Variants in ADAMTS6 observed in about 807,000 individuals in gnomAD.
The protein encoded by ADAMTS6 is A disintegrin and metalloproteinase with thrombospondin motifs 6.
Under a neutral mutation model 144.3 loss-of-function variants are expected in ADAMTS6, and 23 were observed. The observed-to-expected ratio is 0.16, with a 90% confidence interval of 0.11 to 0.23. The LOEUF is 0.23. Ranked by LOEUF, ADAMTS6 falls within the 10% of genes least tolerant of loss-of-function variation. The probability of loss-of-function intolerance (pLI) is 1.00; values close to 1 mark genes in which losing one functional copy is unlikely to be tolerated. For synonymous variants in ADAMTS6, 444 were observed against 457.5 expected (o/e 0.97, Z 0.38); for missense variants, 999 against 1,379.6 (o/e 0.72, Z 4.37).
chr5:65,427,084 G>C (rs955776766), intron 7 of ADAMTS6, among the ~76,000 whole-genome samples: 3 of 151,984 alleles, frequency 2.0e-5, no homozygotes, highest in Non-Finnish European at 2.9e-5. Flanking sequence ...TAATAGAAAA[G>C]GGTTAGAAGT....
intron 22 of ADAMTS6, among the ~76,000 whole-genome samples, chr5:65,181,641 T>C (rs1754360483): frequency 6.6e-6 from 1 of 152,202 alleles, no homozygotes; most frequent in South Asian, 2.1e-4. Flanking sequence ...CATTTCTCTG[T>C]TATTATTGTA....
At chr5:65,164,186 A>G (rs1350876074) in intron 24 of ADAMTS6, among the ~76,000 whole-genome samples, 1 of 151,912 alleles carries the variant, frequency 6.6e-6, no homozygotes, top group Non-Finnish European at 1.5e-5. Context: ...ACCGTGCGCG[A>G]GCCGAAGCAG....
chr5:65,453,578 T>G (rs533634930), intron 4 of ADAMTS6, among the ~76,000 whole-genome samples: 2 of 152,330 alleles, frequency 1.3e-5, no homozygotes, highest in African/African-American at 4.8e-5. Context: ...CAGCATAATT[T>G]GCTTTGAACC....
rs189928203 is a variant in ADAMTS6 at position 65,459,443 on chromosome 5, C to T, written c.631+727G>A. 2.9e-4 allele frequency among the ~76,000 whole-genome samples: 44 copies of T among 152,292 alleles called. No individual in the cohort carries two copies. The East Asian group carries it at 4.0e-3, about 14-fold the overall frequency. On this transcript the variant is annotated intron_variant, in intron 4 of 24. Coordinates refer to ENST00000381055, the MANE Select transcript of ADAMTS6 (RefSeq NM_197941.4). ...TTTCATCTCTCACAACCACTTCCCC[C>T]AACCACTATGAACCTCACCTTTATC...
intron 11 of ADAMTS6, among the ~76,000 whole-genome samples, chr5:65,277,579 T>C (rs1268147900): frequency 1.3e-5 from 2 of 151,426 alleles, no homozygotes; most frequent in Non-Finnish European, 2.9e-5. Flanking sequence ...TTTTTTTCCA[T>C]AAAACTAATG....
intron 4 of ADAMTS6, among the ~76,000 whole-genome samples, chr5:65,458,096 CTT>C (rs1759362283): frequency 2.0e-5 from 3 of 152,042 alleles, no homozygotes; most frequent in Non-Finnish European, 4.4e-5. Context: ...ATAAGATAAA[CTT>C]ATTTCCATAA....
chr5:65,472,246 GA>G (rs139858704), intron 2 of ADAMTS6, among the ~76,000 whole-genome samples: 8,317 of 152,192 alleles, frequency 0.055, 756 homozygotes, highest in African/African-American at 0.19. Context: ...TCTACAGACA[GA>G]AGGTTTAGTT....
intron 20 of ADAMTS6, among the ~76,000 whole-genome samples, chr5:65,201,277 A>G (rs564533593): frequency 2.0e-4 from 30 of 152,234 alleles, no homozygotes; most frequent in Non-Finnish European, 3.4e-4. Context: ...TCTTCCCTCC[A>G]TTCCAGTCCC....
At chr5:65,264,242 T>C (rs933683079) in intron 12 of ADAMTS6, among the ~76,000 whole-genome samples, 1 of 152,186 alleles carries the variant, frequency 6.6e-6, no homozygotes, top group Non-Finnish European at 1.5e-5. Context: ...CCTATTTCCA[T>C]AACACTGATC....
At chr5:65,366,527 T>A (rs936403390) in intron 7 of ADAMTS6, among the ~76,000 whole-genome samples, 6 of 152,158 alleles carry the variant, frequency 3.9e-5, no homozygotes, top group African/African-American at 1.4e-4. Flanking sequence ...CTGTTACTAA[T>A]TTTTTTAGCC....
intron 11 of ADAMTS6, among the ~76,000 whole-genome samples, chr5:65,288,369 G>A (rs185566660): frequency 2.7e-5 from 4 of 149,912 alleles, no homozygotes; most frequent in African/African-American, 9.9e-5. Flanking sequence ...GGCTGGACTG[G>A]AGTGCAGTGG....
At chr5:65,261,223 A>T (rs1761169291) in intron 13 of ADAMTS6, among the ~76,000 whole-genome samples, 1 of 152,170 alleles carries the variant, frequency 6.6e-6, no homozygotes, top group South Asian at 2.1e-4. Context: ...AAATCTAAAA[A>T]TCAGATGGCT....
intron 3 of ADAMTS6, among the ~76,000 whole-genome samples, chr5:65,465,867 T>C (rs1399085471): frequency 1.3e-5 from 2 of 152,242 alleles, no homozygotes; most frequent in East Asian, 1.9e-4. Flanking sequence ...GGCTCAGTCC[T>C]TAGACCTCTT....
At chr5:65,334,421 G>A (rs553294734) in intron 7 of ADAMTS6, among the ~76,000 whole-genome samples, 132 of 152,150 alleles carry the variant, frequency 8.7e-4, no homozygotes, top group Non-Finnish European at 1.7e-3. Context: ...TCTGCAAAAC[G>A]CAAATAGGTG....
At chr5:65,288,064 G>A (rs1741870154) in intron 11 of ADAMTS6, among the ~76,000 whole-genome samples, 1 of 152,104 alleles carries the variant, frequency 6.6e-6, no homozygotes, top group Non-Finnish European at 1.5e-5. Context: ...AAGAATAATA[G>A]TGAAAAATGT....
chr5:65,376,858 A>T (rs927236446), intron 7 of ADAMTS6, among the ~76,000 whole-genome samples: 1 of 152,098 alleles, frequency 6.6e-6, no homozygotes, highest in Admixed American at 6.6e-5. Flanking sequence ...GCTAAAAAAA[A>T]AAATTAACAA....
intron 7 of ADAMTS6, among the ~76,000 whole-genome samples, chr5:65,385,705 T>C (rs1048007183): frequency 1.3e-5 from 2 of 152,228 alleles, no homozygotes; most frequent in Non-Finnish European, 2.9e-5. Flanking sequence ...GAAAGATGCT[T>C]GTAATTCCTT....
At chr5:65,324,903 T>C (rs1746017787) in intron 9 of ADAMTS6, among the ~76,000 whole-genome samples, 2 of 152,140 alleles carry the variant, frequency 1.3e-5, no homozygotes, top group African/African-American at 4.8e-5. Context: ...CTATTCATAA[T>C]AGCACAAAAC....
intron 11 of ADAMTS6, 88 bp downstream of exon 11, chr5:65,291,241 A>G: frequency 6.8e-7 from 1 of 1,465,920 alleles, no homozygotes; most frequent in Non-Finnish European, 9.2e-7. Context: ...TACTAGAGGG[A>G]ACCGACATTC....
Sources: gnomAD v4.1 joint callset for allele counts (sites outside exome capture counted in the v4.1 genomes callset) on GRCh38, gnomAD v4.1.1 for gene constraint, MANE v1.5 for transcripts, NCBI Gene and HGNC (gene_info 2026-07-23, HGNC 2026-07-21) for gene names.